KRT25: variants seen among roughly 807,000 people sequenced by gnomAD.
KRT25 encodes keratin, type I cytoskeletal 25.
KRT25 carries 37 observed loss-of-function variants against 47.6 expected under a neutral mutation model. The observed-to-expected ratio is 0.78, with a 90% CI of 0.60 to 1.02. KRT25 has a LOEUF of 1.02. KRT25 is among the 50% of genes least tolerant of loss of function. KRT25 has a pLI of 0.00. For synonymous variants in KRT25, 203 were observed against 210.2 expected (o/e 0.97, Z 0.30); for missense variants, 542 against 550.3 (o/e 0.98, Z 0.15).
rs113856244 is a variant in KRT25 at position 40,751,699 on chromosome 17, A to T, written c.670-373T>A. On this transcript the variant is annotated intron_variant, in intron 3 of 7. Transcript: ENST00000312150. ...TAAAATGAATGGTCCTCCATCGCTT[A>T]TTCTATTCTCGGCCTTTGTGGACTG... 2.9e-4 allele frequency among the ~76,000 whole-genome samples: 44 copies of T among 152,296 alleles called. 3 individuals carry two copies. The highest frequency in any genetic ancestry group is 9.4e-4 in the African/African-American group (39 of 41,554).
In KRT25 at chr17:40,750,490, G is replaced by C. The variant is rs149839051; in HGVS notation, c.1065C>G (p.Val355=). ...GCTTCTGGCCCTCGGTCTCGGTTCT[G>C]ACCTGGTGCAGCTGCTCCTCCAGGG... is the stretch of plus-strand genomic sequence containing the variant. ...IGALEEQLHQ[V]RTETEGQKLE... is the part of the protein sequence containing the mutation. Residue 355 remains valine (V), a synonymous_variant, in exon 6 of 8, where the codon GTC becomes GTG. Transcript: ENST00000312150. 1.4e-4 allele frequency: 222 copies of C among 1,614,010 alleles called. No homozygotes were observed. The highest frequency in any genetic ancestry group is 3.7e-4 in the Admixed American group (22 of 60,002).
chr17:40,752,947 A>T (rs1322147414), intron 3 of KRT25, among the ~76,000 whole-genome samples: 1 of 152,218 alleles, frequency 6.6e-6, no homozygotes, highest in African/African-American at 2.4e-5. Flanking sequence ...AATCCTAAAG[A>T]TGTAATTGCT....
chr17:40,753,638 C>T (rs1286545956), intron 3 of KRT25, among the ~76,000 whole-genome samples: 4 of 125,328 alleles, frequency 3.2e-5, no homozygotes, highest in African/African-American at 9.3e-5. Context: ...GAGCCAAGAT[C>T]GCACCATTGC....
Position 40,748,209 on chromosome 17 carries a change from C to A in KRT25, c.*68G>T. 2.0e-6 allele frequency: 2 copies of A among 1,021,088 alleles called. No homozygotes were observed. Among genetic ancestry groups the A allele is most frequent in the Non-Finnish European group, 1.5e-6 (1 of 687,588 alleles). 63.3% of individuals were successfully genotyped at this position (1,021,088 alleles called of 1,614,324 possible). On this transcript the variant is annotated 3_prime_UTR_variant, in exon 8 of 8. Transcript: ENST00000312150. ...ATTTTTCTTAGACATGCACATTTTT[C>A]TGGACAGATACATAATGCCTTTTCT...
chr17:40,751,241 A>G lies in KRT25; in HGVS notation c.755T>C (p.Leu252Pro), dbSNP rs1369125440. ...AAPGVDLTVL[L>P]NNMRAEYEAL... ...TTCGTACTCAGCTCGCATGTTGTTC[A>G]GCAGAACTGTGAGGTCCACCCCGGG... Residue 252 changes from leucine to proline, a missense_variant, in exon 4 of 8, where the codon CTG becomes CCG. Leu to Pro is a moderately conservative substitution (Grantham distance 98). Coordinates refer to ENST00000312150, the MANE Select transcript of KRT25 (RefSeq NM_181534.4). 6.2e-7 allele frequency: 1 copy of G among 1,614,108 alleles called. No individual in the cohort carries two copies. Among genetic ancestry groups the G allele is most frequent in the Non-Finnish European group, 8.5e-7 (1 of 1,179,948 alleles).
At position 40,750,902 on chromosome 17, in the gene KRT25, T is replaced by C. The variant is rs544449182; in HGVS notation, c.957+52A>G. ...AAGGTTTTTAAAACCAGCTGGCAAGTATCTAACATGATGACCTGGGAGATG... is the reference window on the plus strand; with the variant it reads ...AAGGTTTTTAAAACCAGCTGGCAAGCATCTAACATGATGACCTGGGAGATG... On this transcript the variant is annotated intron_variant, in intron 5 of 7. Coordinates refer to ENST00000312150, the MANE Select transcript of KRT25 (RefSeq NM_181534.4). 213 of 1,596,936 alleles carry C rather than the reference T, an allele frequency of 1.3e-4. No individual in the cohort carries two copies. In the South Asian group the frequency reaches 2.3e-3, roughly 17 times the overall value.
rs1427514612 is a variant in KRT25 at position 40,755,194 on chromosome 17, C to T, written c.78G>A (p.Gly26=). The T allele has an allele frequency of 9.9e-6, 16 of 1,614,086 alleles. No homozygotes were observed. The highest frequency in any genetic ancestry group is 1.3e-5 in the African/African-American group (1 of 74,932). Residue 26 remains glycine, a synonymous_variant, in exon 1 of 8, where the codon GGG becomes GGA. Transcript: ENST00000312150. ...PTTGSLRLYG[G]GTSFGTGNSC... is the part of the protein sequence containing the mutation. ...AATTTCCAGTACCAAAGCTGGTTCCCCCACCATAGAGTCTGAGTGATCCAG... is the reference window on the plus strand; with the variant it reads ...AATTTCCAGTACCAAAGCTGGTTCCTCCACCATAGAGTCTGAGTGATCCAG...
At position 40,749,245 on chromosome 17, in the gene KRT25, T is replaced by C. The variant is rs748397755; in HGVS notation, c.1243+13A>G. On this transcript the variant is annotated intron_variant, in intron 7 of 7. Transcript: ENST00000312150. ...AAAAATTAGCATTGCACAACAGATTTCATTTTAATTACCTTTGACTTGACT... is the reference window on the plus strand; with the variant it reads ...AAAAATTAGCATTGCACAACAGATTCCATTTTAATTACCTTTGACTTGACT... The C allele has an allele frequency of 2.4e-5, 39 of 1,598,422 alleles. No homozygotes were observed. In the South Asian group the frequency reaches 4.3e-4, roughly 18 times the overall value.
In KRT25 at chr17:40,750,938, A is replaced by G. The variant is rs772276045; in HGVS notation, c.957+16T>C. The G allele has an allele frequency of 1.2e-6, 2 of 1,612,430 alleles. No individual in the cohort carries two copies. Among genetic ancestry groups the G allele is most frequent in the Non-Finnish European group, 1.7e-6 (2 of 1,178,844 alleles). On this transcript the variant is annotated intron_variant, in intron 5 of 7. Coordinates refer to ENST00000312150, the MANE Select transcript of KRT25 (RefSeq NM_181534.4). Reference sequence around the variant, plus strand: ...ATGACCTGGGAGATGGTGAAAAAAAATTGTTCTTTTCATACCGTGGCTAGG... The same window carrying G: ...ATGACCTGGGAGATGGTGAAAAAAAGTTGTTCTTTTCATACCGTGGCTAGG...
In KRT25 at chr17:40,755,096, C is replaced by T. The variant is rs374438831; in HGVS notation, c.176G>A (p.Gly59Glu). The T allele has an allele frequency of 1.1e-5, 18 of 1,614,022 alleles. No homozygotes were observed. The African/African-American group carries it at 2.1e-4, about 19-fold the overall frequency. ...GAAGCCAGCACAGGGATTACCTCCCCCTGTGTTTCCTCCCGATGAGCTGCC... is the reference window on the plus strand; with the variant it reads ...GAAGCCAGCACAGGGATTACCTCCCTCTGTGTTTCCTCCCGATGAGCTGCC... Reference protein sequence around the residue: ...FGGSSSGGNTGGGNPCAGFTV... With the variant: ...FGGSSSGGNTEGGNPCAGFTV... Residue 59 changes from glycine (G) to glutamate (E), a missense_variant, in exon 1 of 8, where the codon GGG becomes GAG. Transcript: ENST00000312150.
chr17:40,750,328 T>C, intron 6 of KRT25, 52 bp downstream of exon 6: 10 of 1,577,114 alleles, frequency 6.3e-6, no homozygotes, highest in Non-Finnish European at 8.7e-6. Flanking sequence ...GGGATCTAAG[T>C]TGCAAGCAGA....
At position 40,755,322 on chromosome 17, in the gene KRT25, A is replaced by AGT. The variant is rs773297841; in HGVS notation, c.-53_-52dup. On this transcript the variant is annotated 5_prime_UTR_variant, in exon 1 of 8. Coordinates refer to ENST00000312150, the MANE Select transcript of KRT25 (RefSeq NM_181534.4). Reference sequence around the variant, plus strand: ...GCTGTATTTGTGAAAGCCAGAATGGAGTGCCTTCTTGTCTAAAAGGTTTGG... The same window carrying AGT: ...GCTGTATTTGTGAAAGCCAGAATGGAGTGTGCCTTCTTGTCTAAAAGGTTTGG... 78 of 1,544,004 alleles carry AGT rather than the reference A, an allele frequency of 5.1e-5. No homozygotes were observed. In the South Asian group the frequency reaches 9.6e-4, roughly 19 times the overall value.
At position 40,754,012 on chromosome 17, in the gene KRT25, C is replaced by T. The variant is rs146293609; in HGVS notation, c.517G>A (p.Glu173Lys). The T allele has an allele frequency of 3.3e-5, 53 of 1,613,962 alleles. No homozygotes were observed. The highest frequency in any genetic ancestry group is 3.3e-4 in the Middle Eastern group (2 of 6,046). ...CTCTGGTGAAGAGCCAGCTCATTTTCATACCTTAAAGAGTGTTAATGATTT... is the reference window on the plus strand; with the variant it reads ...CTCTGGTGAAGAGCCAGCTCATTTTTATACCTTAAAGAGTGTTAATGATTT... ...LTADDFRLKYENELALHQSVE... is the reference protein window; with the variant it reads ...LTADDFRLKYKNELALHQSVE... Residue 173 changes from glutamate to lysine, a missense_variant, in exon 3 of 8, where the codon GAA becomes AAA. Transcript: ENST00000312150.
In KRT25 at chr17:40,748,142, G is replaced by A; in HGVS notation, c.*135C>T. 1.8e-6 allele frequency: 1 copy of A among 555,784 alleles called. No homozygotes were observed. Among genetic ancestry groups the A allele is most frequent in the East Asian group, 3.0e-5 (1 of 33,872 alleles). The allele number at this position is 555,784 out of a possible 1,614,324, so 34.4% of individuals were successfully genotyped here. A position where few individuals can be genotyped will look rare whatever the true frequency, so the allele number is the denominator to read the frequency against. On this transcript the variant is annotated 3_prime_UTR_variant, in exon 8 of 8. Coordinates refer to ENST00000312150, the MANE Select transcript of KRT25 (RefSeq NM_181534.4). Reference sequence around the variant, plus strand: ...AGATGAATGGGGAGATGCTGTCATTGATTGCCCAGAAAGAAAGTAACAGAA... The same window carrying A: ...AGATGAATGGGGAGATGCTGTCATTAATTGCCCAGAAAGAAAGTAACAGAA...
intron 6 of KRT25, among the ~76,000 whole-genome samples, chr17:40,749,671 G>C (rs1167424870): frequency 6.6e-6 from 1 of 152,136 alleles, no homozygotes; most frequent in Admixed American, 6.5e-5. Flanking sequence ...AATTTATATA[G>C]CTGTGTAAGG....
rs189090611 is a variant in KRT25 at position 40,748,335 on chromosome 17, C to T, written c.1295G>A (p.Arg432His). 2.0e-5 allele frequency: 32 copies of T among 1,612,888 alleles called. No homozygotes were observed. In the East Asian group the frequency reaches 2.7e-4, roughly 14 times the overall value. Residue 432 changes from arginine to histidine, a missense_variant, in exon 8 of 8, where the codon CGC (arginine) becomes CAC (histidine). Transcript: ENST00000312150. ...VKKVLEEVDQ[R>H]SKILTTRLHS... ...GAGCCTGGTGGTAAGTATTTTGCTGCGTTGGTCTACCTCCTCAAGAACTTT... is the reference window on the plus strand; with the variant it reads ...GAGCCTGGTGGTAAGTATTTTGCTGTGTTGGTCTACCTCCTCAAGAACTTT...
chr17:40,748,451 A>G, intron 7 of KRT25, 65 bp from the exon 8 acceptor site: 1 of 1,041,360 alleles, frequency 9.6e-7, no homozygotes, highest in South Asian at 1.5e-5. Context: ...TATATCATTT[A>G]AAGGAATAAT....
At chr17:40,751,419 T>C in intron 3 of KRT25, 93 bp from the exon 4 acceptor site, 1 of 1,390,874 alleles carries the variant, frequency 7.2e-7, no homozygotes, top group Non-Finnish European at 9.6e-7. Flanking sequence ...GTTCGTCTGG[T>C]TTTCCCCTCC....
intron 7 of KRT25, 40 bp from the exon 8 acceptor site, chr17:40,748,426 A>G: frequency 7.9e-7 from 1 of 1,265,190 alleles, no homozygotes; most frequent in Non-Finnish European, 1.1e-6. Context: ...ATGTAGTTAA[A>G]AAAAGAATAA....
Sources: allele counts gnomAD v4.1 joint callset (sites outside exome capture counted in the v4.1 genomes callset), GRCh38; gene constraint gnomAD v4.1.1; transcripts MANE v1.5; gene names NCBI Gene and HGNC (gene_info 2026-07-23, HGNC 2026-07-21).